NOL4: variants seen among roughly 807,000 people sequenced by gnomAD.
The protein encoded by NOL4 is nucleolar protein 4.
NOL4 carries 17 observed loss-of-function variants against 75.9 expected under a neutral mutation model. The observed-to-expected ratio is 0.22, with a 90% CI of 0.15 to 0.34. The LOEUF is 0.34. Ranked by LOEUF, NOL4 falls within the 10% of genes least tolerant of loss-of-function variation. The pLI is 1.00. For missense variants in NOL4, 614 were observed against 793.5 expected (o/e 0.77, Z 2.72); for synonymous variants, 292 against 289.9 (o/e 1.01, Z -0.07).
intron 10 of NOL4, among the ~76,000 whole-genome samples, chr18:33,864,789 C>T (rs934967626): frequency 6.6e-6 from 1 of 152,144 alleles, no homozygotes; most frequent in Non-Finnish European, 1.5e-5. Context: ...TTAACTGAGC[C>T]ATAATTCTGC....
chr18:34,198,532 GA>G (rs1163774969), intron 1 of NOL4, among the ~76,000 whole-genome samples: 3 of 151,514 alleles, frequency 2.0e-5, no homozygotes, highest in African/African-American at 2.4e-5. Context: ...TTTAAATTAA[GA>G]ATTCAAATTA....
At chr18:34,009,299 G>A (rs1456457617) in intron 6 of NOL4, among the ~76,000 whole-genome samples, 2 of 151,956 alleles carry the variant, frequency 1.3e-5, no homozygotes, top group African/African-American at 4.8e-5. Flanking sequence ...TAACTAAAAG[G>A]AAATAAGGAA....
chr18:33,897,345 A>G (rs1320385458), intron 9 of NOL4, among the ~76,000 whole-genome samples: 5 of 152,212 alleles, frequency 3.3e-5, no homozygotes, highest in African/African-American at 1.2e-4. Flanking sequence ...TCATGATAGC[A>G]AAGACATGGA....
intron 5 of NOL4, among the ~76,000 whole-genome samples, chr18:34,083,786 T>C (rs1276661017): frequency 6.6e-6 from 1 of 152,172 alleles, no homozygotes; most frequent in Non-Finnish European, 1.5e-5. Context: ...TAGTAGATTG[T>C]GGTTGTAGAA....
intron 9 of NOL4, among the ~76,000 whole-genome samples, chr18:33,903,340 C>T (rs1265960054): frequency 6.6e-6 from 1 of 152,098 alleles, no homozygotes; most frequent in Admixed American, 6.6e-5. Context: ...ATCCAATCAC[C>T]TCCCACCAGG....
chr18:33,936,996 T>A (rs909723371), intron 9 of NOL4, among the ~76,000 whole-genome samples: 1 of 151,882 alleles, frequency 6.6e-6, no homozygotes, highest in South Asian at 2.1e-4. Flanking sequence ...AATAAATATA[T>A]AGAGAAAAGA....
At chr18:33,924,620 G>C (rs2067222532) in intron 9 of NOL4, among the ~76,000 whole-genome samples, 2 of 152,148 alleles carry the variant, frequency 1.3e-5, no homozygotes, top group Admixed American at 1.3e-4. Context: ...CACATATTTA[G>C]GGCTCACTGT....
intron 5 of NOL4, among the ~76,000 whole-genome samples, chr18:34,024,192 A>AT (rs1215950663): frequency 0.021 from 1,625 of 75,966 alleles, 68 homozygotes; most frequent in East Asian, 0.086. Flanking sequence ...AAAAAAAAAA[A>AT]AAATATATAT....
chr18:34,210,330 G>A (rs2036427593), intron 1 of NOL4, among the ~76,000 whole-genome samples: 1 of 152,118 alleles, frequency 6.6e-6, no homozygotes, highest in Non-Finnish European at 1.5e-5. Context: ...TTCAGAATTC[G>A]AAGTTCTCTT....
At chr18:33,900,903 T>C (rs2065710028) in intron 9 of NOL4, among the ~76,000 whole-genome samples, 1 of 152,194 alleles carries the variant, frequency 6.6e-6, no homozygotes, top group South Asian at 2.1e-4. Flanking sequence ...TGTGTGTATA[T>C]ATCTGTTTAG....
At chr18:33,868,963 G>T (rs1343571610) in intron 10 of NOL4, among the ~76,000 whole-genome samples, 1 of 151,644 alleles carries the variant, frequency 6.6e-6, no homozygotes, top group Non-Finnish European at 1.5e-5. Context: ...ATTTCTTAAG[G>T]TGCTGTGAAA....
intron 1 of NOL4, among the ~76,000 whole-genome samples, chr18:34,209,160 C>T (rs1159642291): frequency 3.0e-4 from 43 of 145,136 alleles, no homozygotes; most frequent in Non-Finnish European, 5.4e-4. Context: ...CACCACTGCA[C>T]TCCAGCCTGG....
chr18:33,952,121 A>G (rs191452125), intron 8 of NOL4, among the ~76,000 whole-genome samples: 248 of 152,234 alleles, frequency 1.6e-3, no homozygotes, highest in African/African-American at 5.6e-3. Flanking sequence ...TATTATATTC[A>G]GGATTTGTAT....
At chr18:33,950,622 T>C (rs1466776053) in intron 8 of NOL4, among the ~76,000 whole-genome samples, 1 of 152,106 alleles carries the variant, frequency 6.6e-6, no homozygotes, top group Non-Finnish European at 1.5e-5. Context: ...AATTTCTTCT[T>C]GAAGAGCTAA....
chr18:34,168,553 C>G (rs1009668201), intron 1 of NOL4, among the ~76,000 whole-genome samples: 8 of 149,782 alleles, frequency 5.3e-5, no homozygotes, highest in Non-Finnish European at 1.0e-4. Flanking sequence ...ACAAGTGGAT[C>G]TAGTAAGGAT....
chr18:33,852,808 A>G lies in NOL4; in HGVS notation c.*34T>C, dbSNP rs1275668308. 6.3e-7 allele frequency: 1 copy of G among 1,581,628 alleles called. No individual in the cohort carries two copies. Among genetic ancestry groups the G allele is most frequent in the Non-Finnish European group, 8.6e-7 (1 of 1,160,976 alleles). On this transcript the variant is annotated 3_prime_UTR_variant, in exon 11 of 11. Transcript: ENST00000261592. ...AAAATGTCATTAGTGGAAACTGCAA[A>G]TTTAGACCTCAGTGAATATGGTGGT... is the stretch of plus-strand genomic sequence containing the variant.
chr18:33,962,006 G>A lies in NOL4; in HGVS notation c.1057-3588C>T, dbSNP rs144932637. Among the ~76,000 whole-genome samples, 545 of 152,062 alleles carry A rather than the reference G, an allele frequency of 3.6e-3. 2 individuals carry two copies. Among genetic ancestry groups the A allele is most frequent in the African/African-American group, 0.012 (508 of 41,472 alleles). ...CTTTTTCTTTCAGAAATGGCCCCTC[G>A]CTCTACCAGGTAAAATTGCCAATCC... On this transcript the variant is annotated intron_variant, in intron 6 of 10. Transcript: ENST00000261592.
At chr18:34,096,229 C>G (rs2145581802) in intron 4 of NOL4, among the ~76,000 whole-genome samples, 1 of 151,646 alleles carries the variant, frequency 6.6e-6, no homozygotes, top group East Asian at 1.9e-4. Context: ...AATTATTTAC[C>G]ATCATAAGTG....
chr18:33,866,450 AG>A (rs1265475417), intron 10 of NOL4, among the ~76,000 whole-genome samples: 1 of 152,130 alleles, frequency 6.6e-6, no homozygotes, highest in Non-Finnish European at 1.5e-5. Context: ...TTTTTATCTA[AG>A]GGGGTTTTCT....
Sources: gnomAD v4.1 joint callset for allele counts (sites outside exome capture counted in the v4.1 genomes callset) on GRCh38, gnomAD v4.1.1 for gene constraint, MANE v1.5 for transcripts, NCBI Gene and HGNC (gene_info 2026-07-23, HGNC 2026-07-21) for gene names.